Variants in ADGB observed in about 807,000 individuals in gnomAD.
ADGB encodes the protein calpain-7-like protein.
ADGB carries 172 observed loss-of-function variants against 210.5 expected under a neutral mutation model. The observed-to-expected ratio is 0.82, with a 90% CI of 0.72 to 0.93. The LOEUF (loss-of-function observed/expected upper bound fraction) is 0.93, where lower values mean the gene tolerates loss of function less well. ADGB is among the 40% of genes least tolerant of loss of function. ADGB has a pLI of 0.00. For missense variants in ADGB, 2,025 were observed against 1,964.8 expected, an observed-to-expected ratio of 1.03 and a Z score of -0.58; for synonymous variants, 658 against 662.7, an observed-to-expected ratio of 0.99 and a Z score of 0.11.
At chr6:146,757,438 G>T (rs1777423964) in intron 27 of ADGB, among the ~76,000 whole-genome samples, 1 of 151,692 alleles carries the variant, frequency 6.6e-6, no homozygotes, top group African/African-American at 2.4e-5. Flanking sequence ...GTTTAATTCT[G>T]CATGGATCTT....
intron 13 of ADGB, among the ~76,000 whole-genome samples, chr6:146,710,251 T>C (rs990882044): frequency 8.2e-5 from 12 of 147,098 alleles, no homozygotes; most frequent in African/African-American, 2.3e-4. Context: ...TAAAATGTTA[T>C]AGTTTTACTT....
In ADGB at chr6:146,654,277, C is replaced by T. The variant is rs1318969197; in HGVS notation, c.402+71C>T. On this transcript the variant is annotated intron_variant, in intron 4 of 35. Transcript: ENST00000397944. The stretch of plus-strand genomic sequence containing the variant: ...CAGTCCTGCTTAAACCATTCCCAGA[C>T]AGTCGATTTCAACTCTCCCTTGCTC... 5.9e-6 allele frequency: 6 copies of T among 1,012,890 alleles called. No homozygotes were observed. In the East Asian group the frequency reaches 1.4e-4, roughly 23 times the overall value. The allele number at this position is 1,012,890 out of a possible 1,614,324, so 62.7% of individuals were successfully genotyped here. A position where few individuals can be genotyped will look rare whatever the true frequency, so the allele number is the denominator to read the frequency against.
At chr6:146,764,635 C>T (rs565335795) in intron 28 of ADGB, among the ~76,000 whole-genome samples, 1 of 151,914 alleles carries the variant, frequency 6.6e-6, no homozygotes, top group South Asian at 2.1e-4. Context: ...TACAATAAAT[C>T]CAAATAGATC....
In ADGB at chr6:146,676,625, C is replaced by A. The variant is rs73787503; in HGVS notation, c.1216+184C>A. ...GGCCAAGTCCTACCAATGACAGAAG[C>A]CTGTTGTCCAAATTACAGTGCAATT... On this transcript the variant is annotated intron_variant, in intron 9 of 35. Transcript: ENST00000397944. Among the ~76,000 whole-genome samples the A allele has an allele frequency of 2.5e-3, 386 of 152,278 alleles. 3 individuals are homozygous for A. Among genetic ancestry groups the A allele is most frequent in the African/African-American group, 9.1e-3 (378 of 41,568 alleles).
At chr6:146,629,720 A>G (rs1781031522) in intron 1 of ADGB, among the ~76,000 whole-genome samples, 1 of 152,152 alleles carries the variant, frequency 6.6e-6, no homozygotes. Flanking sequence ...CAACAGAGAT[A>G]TTGTAATATG....
At chr6:146,606,046 A>G (rs958110932) in intron 1 of ADGB, among the ~76,000 whole-genome samples, 7 of 152,118 alleles carry the variant, frequency 4.6e-5, no homozygotes, top group Admixed American at 3.9e-4. Flanking sequence ...CCCACCACCA[A>G]TGTATAAGCA....
intron 1 of ADGB, among the ~76,000 whole-genome samples, chr6:146,634,888 A>G (rs1775388744): frequency 1.3e-5 from 2 of 152,064 alleles, no homozygotes; most frequent in Admixed American, 1.3e-4. Flanking sequence ...ACGATCTTAT[A>G]CAATCCTTAA....
At chr6:146,803,776 G>T in intron 35 of ADGB, 1 of 619,202 alleles carries the variant, frequency 1.6e-6, no homozygotes, top group Non-Finnish European at 2.8e-6. Context: ...CTGACAATCA[G>T]CGCCCGGCAG....
At chr6:146,599,800 T>A (rs1391776173) in intron 1 of ADGB, among the ~76,000 whole-genome samples, 2 of 152,156 alleles carry the variant, frequency 1.3e-5, no homozygotes, top group Non-Finnish European at 2.9e-5. Context: ...TATCCAGTTA[T>A]CCACAGCATA....
Position 146,782,032 on chromosome 6 carries a change from G to A in ADGB, c.3875G>A (p.Arg1292Lys), listed in dbSNP as rs535851775. Reference sequence around the variant, plus strand: ...TATGTCTCTCTAGCTTATGGTGAAAGACACGAGGAGTTAATTAACTTAGGA... The same window carrying A: ...TATGTCTCTCTAGCTTATGGTGAAAAACACGAGGAGTTAATTAACTTAGGA... ...KKSNTKAYGERHEELINLGSP... is the reference protein window; with the variant it reads ...KKSNTKAYGEKHEELINLGSP... Residue 1292 changes from arginine (R) to lysine (K), a missense_variant, in exon 30 of 36, where the codon AGA becomes AAA. Coordinates refer to ENST00000397944, the MANE Select transcript of ADGB (RefSeq NM_024694.4). The A allele has an allele frequency of 6.7e-5, 100 of 1,490,358 alleles. No individual in the cohort carries two copies. The East Asian group carries it at 2.4e-3, about 36-fold the overall frequency. The allele number at this position is 1,490,358 out of a possible 1,614,324, so 92.3% of individuals were successfully genotyped here. A position where few individuals can be genotyped will look rare whatever the true frequency, so the allele number is the denominator to read the frequency against.
chr6:146,782,647 A>T (rs1278539903), intron 30 of ADGB, among the ~76,000 whole-genome samples: 1 of 152,128 alleles, frequency 6.6e-6, no homozygotes, highest in African/African-American at 2.4e-5. Context: ...TGGTTTTTTG[A>T]AGCATTAAAG....
At chr6:146,761,544 C>T (rs1005535133) in intron 27 of ADGB, among the ~76,000 whole-genome samples, 1 of 152,032 alleles carries the variant, frequency 6.6e-6, no homozygotes. Context: ...CTTAACAAAA[C>T]TGAGCTTTCT....
At chr6:146,650,076 A>G (rs1351315243) in intron 3 of ADGB, among the ~76,000 whole-genome samples, 1 of 152,184 alleles carries the variant, frequency 6.6e-6, no homozygotes, top group Non-Finnish European at 1.5e-5. Flanking sequence ...AGCTGGATCC[A>G]TGTTATTTTT....
chr6:146,786,565 C>T (rs1456615542), intron 32 of ADGB, among the ~76,000 whole-genome samples: 2 of 152,150 alleles, frequency 1.3e-5, no homozygotes, highest in South Asian at 2.1e-4. Context: ...CATTTATTAC[C>T]TCACTTTAAC....
intron 25 of ADGB, among the ~76,000 whole-genome samples, chr6:146,744,023 T>G (rs1191797788): frequency 2.0e-5 from 3 of 152,196 alleles, no homozygotes; most frequent in African/African-American, 7.2e-5. Flanking sequence ...CCTCTCTTCA[T>G]AATTCTTGAT....
intron 29 of ADGB, among the ~76,000 whole-genome samples, chr6:146,781,453 G>T (rs1247364344): frequency 1.4e-5 from 2 of 148,006 alleles, no homozygotes; most frequent in East Asian, 4.1e-4. Flanking sequence ...GAGAAATTAA[G>T]AAATTCTTAG....
chr6:146,717,714 TA>T, intron 16 of ADGB, 115 bp downstream of exon 16: 2 of 529,874 alleles, frequency 3.8e-6, no homozygotes, highest in Non-Finnish European at 6.2e-6. Context: ...GTTATATTTT[TA>T]AAAATTAATT....
intron 23 of ADGB, among the ~76,000 whole-genome samples, chr6:146,740,033 T>G (rs887032518): frequency 5.3e-5 from 8 of 152,216 alleles, no homozygotes; most frequent in African/African-American, 1.9e-4. Context: ...CCAAACGTAT[T>G]TCTCACTTTA....
chr6:146,655,990 C>T (rs143178895), intron 4 of ADGB, among the ~76,000 whole-genome samples: 7 of 152,132 alleles, frequency 4.6e-5, no homozygotes, highest in South Asian at 2.1e-4. Context: ...CATTGAACAC[C>T]CACTGTGACC....
Sources: gnomAD v4.1 joint callset for allele counts (sites outside exome capture counted in the v4.1 genomes callset) on GRCh38, gnomAD v4.1.1 for gene constraint, MANE v1.5 for transcripts, NCBI Gene and HGNC (gene_info 2026-07-23, HGNC 2026-07-21) for gene names.